The following FRMD7 variants were observed in gnomAD, a reference collection of about 807,000 sequenced individuals.
FRMD7 encodes FERM domain containing 7.
A neutral mutation model predicts 44.1 loss-of-function variants in FRMD7; 14 were observed. The ratio of observed to expected loss-of-function variants is 0.32; its 90% CI spans 0.21 to 0.50. The LOEUF (loss-of-function observed/expected upper bound fraction) is 0.50. Ranked by LOEUF, FRMD7 falls within the 20% of genes least tolerant of loss-of-function variation. The pLI is 0.99. For synonymous variants in FRMD7, 212 were observed against 187.4 expected, an observed-to-expected ratio of 1.13 and a Z score of -1.07; for missense variants, 501 against 522.3, an observed-to-expected ratio of 0.96 and a Z score of 0.40.
Position 132,077,869 on chromosome X carries a change from C to A in FRMD7, c.*3G>T, listed in dbSNP as rs367938621. 16 of 1,209,620 alleles carry A rather than the reference C, an allele frequency of 1.3e-5. No individual in the cohort carries two copies. The African/African-American group carries it at 2.1e-4, about 16-fold the overall frequency. On this transcript the variant is annotated 3_prime_UTR_variant, in exon 12 of 12. Coordinates refer to ENST00000298542, the MANE Select transcript of FRMD7 (RefSeq NM_194277.3). ...GCTCAGAAATGTCCATAGGTTCACA[C>A]TTTTAAGCTAAAAAGTAATTACATG...
intron 1 of FRMD7, among the ~76,000 whole-genome samples, chrX:132,125,211 CA>C (rs1929126720): frequency 9.0e-6 from 1 of 111,622 alleles, no homozygotes; most frequent in Admixed American, 9.5e-5. Context: ...TGGACACTGG[CA>C]AATTCAGGAA....
intron 1 of FRMD7, among the ~76,000 whole-genome samples, chrX:132,111,490 T>C (rs1026021093): frequency 3.6e-5 from 4 of 111,790 alleles, no homozygotes; most frequent in African/African-American, 6.5e-5. Flanking sequence ...AGCTTCTCCA[T>C]GTATTATCCC....
chrX:132,085,747 T>C lies in FRMD7; in HGVS notation c.498-19A>G. The C allele has an allele frequency of 8.3e-7, 1 of 1,200,511 alleles. No homozygotes were observed. The highest frequency in any genetic ancestry group is 1.1e-6 in the Non-Finnish European group (1 of 885,353). On this transcript the variant is annotated intron_variant, in intron 6 of 11. Transcript: ENST00000298542. ...CCTGCCACTGAAAGGGGAAAGAATT[T>C]ATGAGCCTAATAAATGCCTCAAGAA...
intron 5 of FRMD7, among the ~76,000 whole-genome samples, chrX:132,087,949 AT>A (rs201840824): frequency 0.013 from 1,415 of 111,719 alleles, 24 homozygotes; most frequent in African/African-American, 0.044. Flanking sequence ...CAAAAAAAAA[AT>A]AACCCGCACA....
At chrX:132,086,123 G>A in intron 5 of FRMD7, 89 bp from the exon 6 acceptor site, 2 of 589,804 alleles carry the variant, frequency 3.4e-6, no homozygotes, top group Non-Finnish European at 6.0e-6. Flanking sequence ...CCATCAAACA[G>A]CCCCTTCTTT....
chrX:132,102,187 G>A (rs5933075), intron 1 of FRMD7, among the ~76,000 whole-genome samples: 2 of 109,210 alleles, frequency 1.8e-5, no homozygotes, highest in Non-Finnish European at 3.8e-5. Flanking sequence ...TACCTCACCC[G>A]CTTCCCCCAC....
At chrX:132,123,010 T>C (rs1346733764) in intron 1 of FRMD7, among the ~76,000 whole-genome samples, 1 of 111,823 alleles carries the variant, frequency 8.9e-6, no homozygotes, top group Non-Finnish European at 1.9e-5. Context: ...ATTCTTCACT[T>C]AGATTGACCC....
Position 132,078,518 on chromosome X carries a change from T to C in FRMD7, c.1499A>G (p.Asp500Gly). The change falls in exon 12 of 12, where the codon GAC (aspartate) becomes GGC (glycine). Residue 500 changes from aspartate (D) to glycine (G), a missense_variant. Transcript: ENST00000298542. Reference sequence around the variant, plus strand: ...CCATCTGGGCACCTGGGGTGGCTTGTCCACATAAAAAAAGACCTGGGGAGG... The same window carrying C: ...CCATCTGGGCACCTGGGGTGGCTTGCCCACATAAAAAAAGACCTGGGGAGG... ...IMPPQVFFYV[D>G]KPPQVPRWSP... 8.3e-7 allele frequency: 1 copy of C among 1,211,273 alleles called. No homozygotes were observed. The highest frequency in any genetic ancestry group is 1.1e-6 in the Non-Finnish European group (1 of 895,190).
rs184968207 is a variant in FRMD7, at chrX:132,107,236, A to C, written c.58-6520T>G. On this transcript the variant is annotated intron_variant, in intron 1 of 11. Coordinates refer to ENST00000298542, the MANE Select transcript of FRMD7 (RefSeq NM_194277.3). ...AAATACAATAGATATTCTAAATGTT[A>C]AAAGCATAGTGTCATACAAAATGTC... Among the ~76,000 whole-genome samples, 48 of 112,085 alleles carry C rather than the reference A, an allele frequency of 4.3e-4. 1 individual carries two copies. Among genetic ancestry groups the C allele is most frequent in the African/African-American group, 1.4e-3 (43 of 30,914 alleles).
At chrX:132,124,352 C>G (rs1398641799) in intron 1 of FRMD7, among the ~76,000 whole-genome samples, 1 of 111,625 alleles carries the variant, frequency 9.0e-6, no homozygotes, top group Non-Finnish European at 1.9e-5. Flanking sequence ...GATAAGCTGT[C>G]CGTTGTAAGA....
intron 1 of FRMD7, among the ~76,000 whole-genome samples, chrX:132,107,604 G>GGAGAGACAGAGAGA (rs1556025736): frequency 1.6e-4 from 15 of 91,199 alleles, no homozygotes; most frequent in South Asian, 1.5e-3. Context: ...TCTACATGGT[G>GGAGAGACAGAGAGA]GAGAGAGAGA....
At chrX:132,118,743 A>T (rs191602629) in intron 1 of FRMD7, among the ~76,000 whole-genome samples, 1 of 111,060 alleles carries the variant, frequency 9.0e-6, no homozygotes, top group Non-Finnish European at 1.9e-5. Context: ...TCAGTCTCTC[A>T]TCGCTCTCTC....
In FRMD7 at chrX:132,078,063, C is replaced by T. The variant is rs766061063; in HGVS notation, c.1954G>A (p.Asp652Asn). 13 of 1,209,320 alleles carry T rather than the reference C, an allele frequency of 1.1e-5. No homozygotes were observed. Among genetic ancestry groups the T allele is most frequent in the African/African-American group, 1.8e-5 (1 of 57,072 alleles). Reference sequence around the variant, plus strand: ...GGTTTAAGAATCTCTGATTCAGAATCACTGGATTCACTAGCTACATACCTT... The same window carrying T: ...GGTTTAAGAATCTCTGATTCAGAATTACTGGATTCACTAGCTACATACCTT... ...AERYVASESSDSESEILKPDY... is the reference protein window; with the variant it reads ...AERYVASESSNSESEILKPDY... The change falls in exon 12 of 12, where the codon GAT becomes AAT. Residue 652 changes from aspartate (D) to asparagine (N), a missense_variant. Around this residue, in one of 3 missense-constraint regions of FRMD7, gnomAD observed 453 missense variants for 452.7 expected, o/e 1.00. Transcript: ENST00000298542.
intron 5 of FRMD7, among the ~76,000 whole-genome samples, chrX:132,093,745 A>G (rs752841138): frequency 8.9e-6 from 1 of 112,472 alleles, no homozygotes; most frequent in Non-Finnish European, 1.9e-5. Context: ...CCATGCCCAA[A>G]TTAGCCCAAA....
intron 1 of FRMD7, among the ~76,000 whole-genome samples, chrX:132,116,319 C>A (rs1928896564): frequency 8.9e-6 from 1 of 111,756 alleles, no homozygotes; most frequent in Non-Finnish European, 1.9e-5. Context: ...ATAACCCCAC[C>A]CACTGAGCTC....
At position 132,085,937 on chromosome X, in the gene FRMD7, G is replaced by A; in HGVS notation, c.480C>T (p.His160=). 1 of 1,193,477 alleles carries A rather than the reference G, an allele frequency of 8.4e-7. No individual in the cohort carries two copies. Among genetic ancestry groups the A allele is most frequent in the Non-Finnish European group, 1.1e-6 (1 of 878,641 alleles). The change falls in exon 6 of 12, where the codon CAC becomes CAT. Residue 160 remains histidine (H), a synonymous_variant. Coordinates refer to ENST00000298542, the MANE Select transcript of FRMD7 (RefSeq NM_194277.3). The part of the protein sequence containing the change: ...NQDCLEGKIM[H]FHQKHIGRSP... ...GTACTTACATGTGCTTCTGATGAAA[G>A]TGCATGATCTTGCCCTCTAAACAGT...
chrX:132,082,201 T>A (rs1470143742), intron 9 of FRMD7, among the ~76,000 whole-genome samples, 162 bp downstream of exon 9: 1 of 112,055 alleles, frequency 8.9e-6, no homozygotes, highest in Non-Finnish European at 1.9e-5. Flanking sequence ...TAGAAAACAT[T>A]GACTTAATGT....
intron 1 of FRMD7, among the ~76,000 whole-genome samples, chrX:132,111,455 C>A (rs1016317755): frequency 1.8e-5 from 2 of 111,459 alleles, no homozygotes; most frequent in Non-Finnish European, 3.8e-5. Context: ...TGGTATTTTT[C>A]TTCTGGTCTT....
intron 7 of FRMD7, among the ~76,000 whole-genome samples, chrX:132,085,229 C>T (rs1049441172): frequency 9.0e-6 from 1 of 111,258 alleles, no homozygotes; most frequent in African/African-American, 3.3e-5. Flanking sequence ...CTTTCCTGGT[C>T]GGTCCAACCA....
Sources: gnomAD v4.1 joint callset for allele counts (sites outside exome capture counted in the v4.1 genomes callset) on GRCh38, gnomAD v4.1.1 for gene constraint, gnomAD v4.1.1 regional missense constraint, MANE v1.5 for transcripts, NCBI Gene and HGNC (gene_info 2026-07-23, HGNC 2026-07-21) for gene names.